The following DLEC1 variants were observed in gnomAD, a reference collection of about 807,000 sequenced individuals.
DLEC1 encodes DLEC1 cilia and flagella associated protein, also known as deleted in lung and esophageal cancer protein 1.
In DLEC1, 146 loss-of-function variants were observed where a neutral mutation model predicts 198.1. That is an observed-to-expected ratio of 0.74 (90% confidence interval 0.64 to 0.85). The LOEUF is 0.85. Among genes scored for constraint, DLEC1 ranks in the 40% least tolerant of loss-of-function variants. The probability of loss-of-function intolerance (pLI) is 0.00; values close to 1 mark genes in which losing one functional copy is unlikely to be tolerated. For synonymous variants in DLEC1, 897 were observed against 866.8 expected (o/e 1.03, Z -0.61); for missense variants, 2,233 against 2,220.0 (o/e 1.01, Z -0.12).
intron 1 of DLEC1, among the ~76,000 whole-genome samples, chr3:38,039,837 C>T (rs1424625721): frequency 6.6e-6 from 1 of 152,230 alleles, no homozygotes; most frequent in Non-Finnish European, 1.5e-5. Flanking sequence ...CCACACATAC[C>T]ACACAACGTG....
At chr3:38,095,544 G>T in intron 13 of DLEC1, 1 of 337,956 alleles carries the variant, frequency 3.0e-6, no homozygotes, top group Admixed American at 4.3e-5. Context: ...GGGCTGAGAT[G>T]AGTGATCCTG....
At chr3:38,044,817 TCA>T (rs1700809921) in intron 1 of DLEC1, among the ~76,000 whole-genome samples, 1 of 152,248 alleles carries the variant, frequency 6.6e-6, no homozygotes, top group African/African-American at 2.4e-5. Flanking sequence ...GAATAGTCAA[TCA>T]GTAATTAGTC....
intron 10 of DLEC1, among the ~76,000 whole-genome samples, chr3:38,091,483 TGAAC>T (rs1698744029): frequency 6.6e-6 from 1 of 151,364 alleles, no homozygotes; most frequent in Non-Finnish European, 1.5e-5. Context: ...AACAAACAAA[TGAAC>T]AAACAAAAAA....
chr3:38,064,219 G>T (rs1051709701), intron 6 of DLEC1, among the ~76,000 whole-genome samples: 49 of 151,828 alleles, frequency 3.2e-4, no homozygotes, highest in African/African-American at 1.1e-3. Flanking sequence ...GACTCTTAAC[G>T]AGCATGCTGC....
chr3:38,068,033 C>G (rs986444219), intron 6 of DLEC1, among the ~76,000 whole-genome samples: 2 of 152,166 alleles, frequency 1.3e-5, no homozygotes, highest in African/African-American at 4.8e-5. Context: ...GGATTACAGG[C>G]GTGAGCCATT....
At position 38,108,476 on chromosome 3, in the gene DLEC1, G is replaced by C; in HGVS notation, c.3090G>C (p.Glu1030Asp). Residue 1030 changes from glutamate to aspartate, a missense_variant, in exon 21 of 37, where the codon GAG becomes GAC. Coordinates refer to ENST00000308059, the MANE Select transcript of DLEC1 (RefSeq NM_007335.4). ...SPKHGLLGPS[E>D]ECQLKLELTA... ...AACATGGCCTGCTGGGCCCAAGTGA[G>C]GAGTGCCAGCTCAAGTTGGAGTTGA... 1 of 1,614,212 alleles carries C rather than the reference G, an allele frequency of 6.2e-7. No homozygotes were observed. The highest frequency in any genetic ancestry group is 8.5e-7 in the Non-Finnish European group (1 of 1,180,034).
intron 6 of DLEC1, among the ~76,000 whole-genome samples, chr3:38,064,561 GCTC>G (rs1224960824): frequency 6.6e-6 from 1 of 151,310 alleles, no homozygotes; most frequent in African/African-American, 2.4e-5. Flanking sequence ...GGGCAGAGGG[GCTC>G]CTCACTTCCC....
intron 18 of DLEC1, 133 bp downstream of exon 18, chr3:38,098,035 G>A (rs537638676): frequency 1.4e-5 from 17 of 1,179,218 alleles, no homozygotes; most frequent in Middle Eastern, 2.9e-4. Context: ...TGGTGACTTC[G>A]GCCTGGCGGT....
At position 38,121,884 on chromosome 3, in the gene DLEC1, C is replaced by A. The variant is rs142479131; in HGVS notation, c.5020+103C>A. ...TGTGCGCCGTCCCTGCATGCTGGCT[C>A]CCAGGGCAGGCACCACTTGGAATTT... On this transcript the variant is annotated intron_variant, in intron 35 of 36. Transcript: ENST00000308059. 5.2e-4 allele frequency: 794 copies of A among 1,521,684 alleles called. 3 individuals carry two copies. In the African/African-American group the frequency reaches 9.8e-3, roughly 19 times the overall value. 94.3% of individuals were successfully genotyped at this position (1,521,684 alleles called of 1,614,324 possible).
At chr3:38,059,065 T>C (rs970847054) in intron 2 of DLEC1, among the ~76,000 whole-genome samples, 2 of 152,186 alleles carry the variant, frequency 1.3e-5, no homozygotes, top group African/African-American at 4.8e-5. Flanking sequence ...TAGACGTTAA[T>C]TATCACCTTT....
chr3:38,062,000 C>G (rs1379422495), intron 3 of DLEC1, among the ~76,000 whole-genome samples, 169 bp from the exon 4 acceptor site: 2 of 152,150 alleles, frequency 1.3e-5, no homozygotes, highest in Non-Finnish European at 2.9e-5. Flanking sequence ...AGAATAAGTT[C>G]CAGGAGTAAT....
chr3:38,079,290 T>A (rs543405000), intron 6 of DLEC1, among the ~76,000 whole-genome samples: 58 of 152,210 alleles, frequency 3.8e-4, no homozygotes, highest in Admixed American at 1.2e-3. Flanking sequence ...AAAGGAGTGC[T>A]TAAAAGAGTA....
At chr3:38,076,573 G>T (rs1391427014) in intron 6 of DLEC1, among the ~76,000 whole-genome samples, 2 of 152,116 alleles carry the variant, frequency 1.3e-5, no homozygotes, top group Non-Finnish European at 2.9e-5. Context: ...ATCACTCAAG[G>T]CAAGGACCGG....
At chr3:38,071,939 G>A (rs1227220625) in intron 6 of DLEC1, among the ~76,000 whole-genome samples, 5 of 152,208 alleles carry the variant, frequency 3.3e-5, no homozygotes, top group African/African-American at 1.2e-4. Context: ...AGGTAGTGGA[G>A]GGGGGCAGAG....
Position 38,039,559 on chromosome 3 carries a change from G to C in DLEC1, c.334G>C (p.Glu112Gln). The C allele has an allele frequency of 6.2e-7, 1 of 1,613,950 alleles. No individual in the cohort carries two copies. The change falls in exon 1 of 37, where the codon GAA becomes CAA. Residue 112 changes from glutamate to glutamine, a missense_variant. Physicochemically the swap from Glu to Gln is conservative, Grantham distance 29 (BLOSUM62 2). Coordinates refer to ENST00000308059, the MANE Select transcript of DLEC1 (RefSeq NM_007335.4). ...NLYSAEVIGD[E>Q]VSASLIKARG... ...GTACTCAGCCGAGGTCATCGGCGAC[G>C]AAGTGAGCGCAAGCTTGATCAAGGC...
chr3:38,094,293 C>T (rs1698895653), intron 12 of DLEC1, among the ~76,000 whole-genome samples: 1 of 152,206 alleles, frequency 6.6e-6, no homozygotes, highest in African/African-American at 2.4e-5. Context: ...AGCCTCCCAA[C>T]CAGGGCTGCC....
chr3:38,097,297 G>A (rs1699078001), intron 16 of DLEC1, 22 bp downstream of exon 16: 1 of 1,565,178 alleles, frequency 6.4e-7, no homozygotes, highest in East Asian at 2.4e-5. Flanking sequence ...ACTGCAGGAG[G>A]GGTTGTGACC....
intron 23 of DLEC1, among the ~76,000 whole-genome samples, chr3:38,111,474 T>G (rs751641382): frequency 2.6e-5 from 4 of 151,974 alleles, no homozygotes; most frequent in Non-Finnish European, 4.4e-5. Flanking sequence ...GCTGGGGATG[T>G]TTGAATGGTA....
chr3:38,117,495 G>A (rs756746558), intron 31 of DLEC1, 32 bp from the exon 32 acceptor site: 48 of 1,613,874 alleles, frequency 3.0e-5, no homozygotes, highest in African/African-American at 5.3e-5. Context: ...CCAGGCGCCC[G>A]GCTTGCCCCA....
Sources: allele counts gnomAD v4.1 joint callset (sites outside exome capture counted in the v4.1 genomes callset), GRCh38; gene constraint gnomAD v4.1.1; transcripts MANE v1.5; gene names NCBI Gene and HGNC (gene_info 2026-07-23, HGNC 2026-07-21).